GOT1: variants seen among roughly 807,000 people sequenced by gnomAD.
The protein encoded by GOT1 is aspartate aminotransferase, cytoplasmic.
A neutral mutation model predicts 48.2 loss-of-function variants in GOT1; 25 were observed. The ratio of observed to expected loss-of-function variants is 0.52; its 90% CI spans 0.38 to 0.72. The LOEUF is 0.72. Ranked by LOEUF, GOT1 falls within the 30% of genes least tolerant of loss-of-function variation. The pLI is 0.00. For synonymous variants in GOT1, 188 were observed against 193.8 expected, an observed-to-expected ratio of 0.97 and a Z score of 0.25; for missense variants, 380 against 520.1, an observed-to-expected ratio of 0.73 and a Z score of 2.62.
At chr10:99,416,988 C>G (rs972846647) in intron 2 of GOT1, among the ~76,000 whole-genome samples, 1 of 152,130 alleles carries the variant, frequency 6.6e-6, no homozygotes, top group African/African-American at 2.4e-5. Context: ...AGAAGAAAAC[C>G]TAGGCAATAC....
At chr10:99,401,476 A>G (rs552953193) in intron 8 of GOT1, among the ~76,000 whole-genome samples, 3 of 152,206 alleles carry the variant, frequency 2.0e-5, no homozygotes, top group African/African-American at 7.2e-5. Flanking sequence ...ATCCCTCCCT[A>G]GAGTCACTGG....
intron 1 of GOT1, among the ~76,000 whole-genome samples, chr10:99,424,264 T>C (rs563266046): frequency 6.6e-6 from 1 of 152,352 alleles, no homozygotes; most frequent in African/African-American, 2.4e-5. Context: ...TTTTCGGGAA[T>C]AGCATTTGCA....
At chr10:99,413,274 C>A (rs913165719) in intron 2 of GOT1, among the ~76,000 whole-genome samples, 4 of 152,066 alleles carry the variant, frequency 2.6e-5, no homozygotes, top group African/African-American at 7.2e-5. Flanking sequence ...AACCATGGCA[C>A]GAGAACTACA....
At chr10:99,422,186 T>C (rs2032978868) in intron 1 of GOT1, among the ~76,000 whole-genome samples, 1 of 152,194 alleles carries the variant, frequency 6.6e-6, no homozygotes, top group South Asian at 2.1e-4. Flanking sequence ...TAAAAGTGTA[T>C]AGCACCTCCC....
In GOT1 at chr10:99,408,522, GC is replaced by G. The variant is rs562925831; in HGVS notation, c.301-1674del. ...ACTTGAGCCCAGGAGTTTGAGACCA[GC>G]CTGGCCAACATGGTGAAACCCTGTC... is the stretch of plus-strand genomic sequence containing the variant. On this transcript the variant is annotated intron_variant, in intron 2 of 8. Transcript: ENST00000370508. Among the ~76,000 whole-genome samples, 75 of 152,302 alleles carry G rather than the reference GC, an allele frequency of 4.9e-4. 1 individual carries two copies. Among genetic ancestry groups the G allele is most frequent in the Admixed American group, 3.8e-3 (58 of 15,290 alleles).
intron 1 of GOT1, among the ~76,000 whole-genome samples, chr10:99,424,346 T>A (rs2033010353): frequency 6.6e-6 from 1 of 152,180 alleles, no homozygotes; most frequent in Admixed American, 6.5e-5. Flanking sequence ...TAAAAAATGA[T>A]CCCTTGTGTG....
At chr10:99,410,721 T>A (rs1252425357) in intron 2 of GOT1, among the ~76,000 whole-genome samples, 3 of 152,232 alleles carry the variant, frequency 2.0e-5, no homozygotes, top group Non-Finnish European at 4.4e-5. Context: ...AGCAATGTGG[T>A]CATTCTGTGA....
rs149487343 is a variant in GOT1, at chr10:99,419,129, A to T, written c.300+1495T>A. On this transcript the variant is annotated intron_variant, in intron 2 of 8. Transcript: ENST00000370508. The stretch of plus-strand genomic sequence containing the variant: ...TATCAGGGCATCTGGGTAACATGAT[A>T]TATAAAAGGAAAACCTACTGTACAC... Among the ~76,000 whole-genome samples, 585 of 152,290 alleles carry T rather than the reference A, an allele frequency of 3.8e-3. 4 individuals are homozygous for T. Among genetic ancestry groups the T allele is most frequent in the African/African-American group, 0.013 (525 of 41,554 alleles).
intron 2 of GOT1, among the ~76,000 whole-genome samples, chr10:99,418,792 C>T (rs1337959924): frequency 6.6e-6 from 1 of 152,202 alleles, no homozygotes; most frequent in Non-Finnish European, 1.5e-5. Flanking sequence ...CGTGCATCAC[C>T]ACGCCTGGCC....
At chr10:99,402,536 T>C in intron 8 of GOT1, 44 bp downstream of exon 8, 1 of 1,605,836 alleles carries the variant, frequency 6.2e-7, no homozygotes, top group Middle Eastern at 1.8e-4. Context: ...GAATGTTGTG[T>C]GTCTACATGC....
intron 1 of GOT1, among the ~76,000 whole-genome samples, chr10:99,422,302 G>A (rs1013217708): frequency 2.6e-5 from 4 of 152,110 alleles, no homozygotes; most frequent in Non-Finnish European, 4.4e-5. Context: ...TTTCTTATAT[G>A]GCCGGTGGAA....
rs1283006134 is a variant in GOT1, at chr10:99,430,551, T to G, written c.15A>C (p.Ser5=). Residue 5 remains serine (S), a synonymous_variant, in exon 1 of 9, where the codon TCA becomes TCC. Coordinates refer to ENST00000370508, the MANE Select transcript of GOT1 (RefSeq NM_002079.3). ...GGGCCTGCGGAACCTCGGCAAAGACTGACGGAGGTGCCATATCGAGAGACT... is the reference window on the plus strand; with the variant it reads ...GGGCCTGCGGAACCTCGGCAAAGACGGACGGAGGTGCCATATCGAGAGACT... MAPP[S]VFAEVPQAQP... 1.9e-6 allele frequency: 3 copies of G among 1,602,700 alleles called. No individual in the cohort carries two copies. Among genetic ancestry groups the G allele is most frequent in the Admixed American group, 3.4e-5 (2 of 58,168 alleles).
chr10:99,421,867 A>G (rs1268720796), intron 1 of GOT1, among the ~76,000 whole-genome samples: 1 of 152,092 alleles, frequency 6.6e-6, no homozygotes, highest in Non-Finnish European at 1.5e-5. Flanking sequence ...TTAATCCCTG[A>G]CTTAAAAAAA....
rs758770322 is a variant in GOT1 at position 99,401,008 on chromosome 10, G to A, written c.1102+1572C>T. ...TTAATAAGGGCAAATGATGCCAAGCGCTAAAAATATAACTTTTGTGTTATA... is the reference window on the plus strand; with the variant it reads ...TTAATAAGGGCAAATGATGCCAAGCACTAAAAATATAACTTTTGTGTTATA... On this transcript the variant is annotated intron_variant, in intron 8 of 8. Transcript: ENST00000370508. Among the ~76,000 whole-genome samples the A allele has an allele frequency of 2.1e-4, 32 of 152,134 alleles. 1 individual carries two copies. The highest frequency in any genetic ancestry group is 6.5e-5 in the Admixed American group (1 of 15,272).
At chr10:99,419,489 G>GCTCTTGCC (rs1335859091) in intron 2 of GOT1, among the ~76,000 whole-genome samples, 1 of 152,142 alleles carries the variant, frequency 6.6e-6, no homozygotes, top group Non-Finnish European at 1.5e-5. Flanking sequence ...GACCTGCTTA[G>GCTCTTGCC]CTCTTGCCTC....
chr10:99,403,582 C>A lies in GOT1; in HGVS notation c.846G>T (p.Leu282=), dbSNP rs2134097128. ...TVVGKEPESI[L]QVLSQMEKIV... is the part of the protein sequence containing the mutation. ...TCTTCTCCATCTGGGAAAGGACTTGCAGGATGCTCTCAGGTTCTTTTCCAA... is the reference window on the plus strand; with the variant it reads ...TCTTCTCCATCTGGGAAAGGACTTGAAGGATGCTCTCAGGTTCTTTTCCAA... The change falls in exon 7 of 9, where the codon CTG becomes CTT. Residue 282 remains leucine (L), a synonymous_variant. Coordinates refer to ENST00000370508, the MANE Select transcript of GOT1 (RefSeq NM_002079.3). The A allele has an allele frequency of 6.2e-7, 1 of 1,614,122 alleles. No individual in the cohort carries two copies. The highest frequency in any genetic ancestry group is 2.2e-5 in the East Asian group (1 of 44,882).
chr10:99,407,504 C>G (rs2032776096), intron 2 of GOT1, among the ~76,000 whole-genome samples: 1 of 151,242 alleles, frequency 6.6e-6, no homozygotes, highest in African/African-American at 2.4e-5. Context: ...ATGGTCTCAG[C>G]TAACTGCAAC....
intron 2 of GOT1, among the ~76,000 whole-genome samples, chr10:99,417,657 T>C (rs1181841668): frequency 1.3e-5 from 2 of 152,166 alleles, no homozygotes; most frequent in Non-Finnish European, 2.9e-5. Flanking sequence ...CTATTCACAA[T>C]AGCAAAGACT....
Position 99,420,790 on chromosome 10 carries a change from T to C in GOT1, c.134A>G (p.Asp45Gly). Residue 45 changes from aspartate to glycine, a missense_variant, in exon 2 of 9, where the codon GAC becomes GGC. By Grantham distance (94) the Asp-to-Gly change is moderately conservative. Transcript: ENST00000370508. The stretch of plus-strand genomic sequence containing the variant: ...TACTGGCAAAACCCAGGGATGGCAG[T>C]CATCCGTGCGATATGCTGGAGAATG... ...NLGVGAYRTD[D>G]CHPWVLPVVK... 6.2e-7 allele frequency: 1 copy of C among 1,613,664 alleles called. No individual in the cohort carries two copies. The highest frequency in any genetic ancestry group is 8.5e-7 in the Non-Finnish European group (1 of 1,179,638).
Sources: allele counts gnomAD v4.1 joint callset (sites outside exome capture counted in the v4.1 genomes callset), GRCh38; gene constraint gnomAD v4.1.1; transcripts MANE v1.5; gene names NCBI Gene and HGNC (gene_info 2026-07-23, HGNC 2026-07-21).